PFKFB3: variants seen among roughly 807,000 people sequenced by gnomAD.
PFKFB3 encodes the protein 6-phosphofructo-2-kinase/fructose-2,6-biphosphatase 3, also known as 6-phosphofructo-2-kinase/fructose-2,6-bisphosphatase 3.
In PFKFB3, 33 loss-of-function variants were observed where a neutral mutation model predicts 68.0. That is an observed-to-expected ratio of 0.49 (90% CI 0.37 to 0.65). The LOEUF (loss-of-function observed/expected upper bound fraction) is 0.65, where lower values mean the gene tolerates loss of function less well. Among genes scored for constraint, PFKFB3 ranks in the 30% least tolerant of loss-of-function variants. The pLI is 0.00. For missense variants in PFKFB3, 586 were observed against 712.2 expected (o/e 0.82, Z 2.02); for synonymous variants, 315 against 288.2 (o/e 1.09, Z -0.94).
intron 1 of PFKFB3, among the ~76,000 whole-genome samples, chr10:6,172,643 G>A (rs1308800465): frequency 1.3e-5 from 2 of 152,020 alleles, no homozygotes; most frequent in East Asian, 1.9e-4. Context: ...GCAACATGAT[G>A]AGACCCCATC....
intron 1 of PFKFB3, among the ~76,000 whole-genome samples, chr10:6,185,639 C>CTTTTTTTT (rs59230234): frequency 8.3e-6 from 1 of 120,544 alleles, no homozygotes; most frequent in African/African-American, 3.2e-5. Context: ...CTCCCCGCTC[C>CTTTTTTTT]TTTTTTTTTT....
intron 1 of PFKFB3, among the ~76,000 whole-genome samples, chr10:6,157,013 T>G (rs1050434965): frequency 1.3e-5 from 2 of 150,520 alleles, no homozygotes; most frequent in African/African-American, 4.9e-5. Flanking sequence ...AATCGCTTGA[T>G]CCTAAGAAGT....
At chr10:6,282,521 T>C in the PFKFB3 span, among the ~76,000 whole-genome samples, 1 of 152,164 alleles carries the variant, frequency 6.6e-6, no homozygotes, top group African/African-American at 2.4e-5. Flanking sequence ...TAGCAGCAGA[T>C]GTAGTGAGGC....
chr10:6,215,739 A>C lies in PFKFB3; in HGVS notation c.300-386A>C, dbSNP rs1039455020. ...CTTGTTAAGTGCGAGTTGATTGTGA[A>C]ACCCTAGTGCAAGGGTGTTCAGCCC... is the stretch of plus-strand genomic sequence containing the variant. On this transcript the variant is annotated intron_variant, in intron 3 of 14. Coordinates refer to ENST00000379775, the MANE Select transcript of PFKFB3 (RefSeq NM_004566.4). The surrounding 1 kb of genome is among the most constrained non-coding windows in gnomAD (Gnocchi z 4.3). Among the ~76,000 whole-genome samples, 2 of 152,166 alleles carry C rather than the reference A, an allele frequency of 1.3e-5. No homozygotes were observed. Among genetic ancestry groups the C allele is most frequent in the African/African-American group, 4.8e-5 (2 of 41,430 alleles).
At chr10:6,313,766 A>G in the PFKFB3 span, among the ~76,000 whole-genome samples, 1 of 152,180 alleles carries the variant, frequency 6.6e-6, no homozygotes, top group Admixed American at 6.5e-5. This position sits in a 1 kb window ranked among gnomAD's most constrained non-coding sequence, Gnocchi z 4.2. Context: ...TGGGTGCTAA[A>G]TCATCACTCT....
the PFKFB3 span, among the ~76,000 whole-genome samples, chr10:6,294,975 G>T: frequency 1.5e-3 from 207 of 136,598 alleles, 1 homozygote; most frequent in East Asian, 6.8e-3. Flanking sequence ...TTTTTTTTTT[G>T]TTTTTTTTTT....
chr10:6,273,167 C>T, the PFKFB3 span, among the ~76,000 whole-genome samples: 35 of 152,016 alleles, frequency 2.3e-4, no homozygotes, highest in Admixed American at 2.0e-4. Flanking sequence ...CCACCACGTG[C>T]GGCTAATTTT....
At chr10:6,237,358 G>A (rs1045468976), downstream of PFKFB3, among the ~76,000 whole-genome samples, 2 of 152,268 alleles carry the variant, frequency 1.3e-5, no homozygotes, top group African/African-American at 2.4e-5. Flanking sequence ...TGGATAACCA[G>A]TGCTGGGGAG....
At chr10:6,223,874 C>T (rs1382948070) in intron 11 of PFKFB3, 84 bp from the exon 12 acceptor site, 5 of 1,249,572 alleles carry the variant, frequency 4.0e-6, no homozygotes, top group Non-Finnish European at 5.9e-6. Context: ...GCCTCGGCCT[C>T]CCAAAGTGCT....
At chr10:6,292,003 G>A in the PFKFB3 span, among the ~76,000 whole-genome samples, 1 of 142,658 alleles carries the variant, frequency 7.0e-6, no homozygotes, top group African/African-American at 2.7e-5. Flanking sequence ...GCTTAGGCTG[G>A]CATACAGTGG....
rs1203508342 is a variant in PFKFB3, at chr10:6,154,508, A to C, written c.16+9495A>C. Among the ~76,000 whole-genome samples, 1 of 152,114 alleles carries C rather than the reference A, an allele frequency of 6.6e-6. No homozygotes were observed. Among genetic ancestry groups the C allele is most frequent in the Non-Finnish European group, 1.5e-5 (1 of 68,026 alleles). ...AGTGATTTGCCCGCCTCGGCCTTCC[A>C]AAGTGCTGGGATCATAGGCGCGAGC... On this transcript the variant is annotated intron_variant, in intron 1 of 14. Coordinates refer to the PFKFB3 transcript ENST00000379789. This position sits in a 1 kb window ranked among gnomAD's most constrained non-coding sequence, Gnocchi z 4.6.
At chr10:6,178,662 A>G (rs1011006743) in intron 1 of PFKFB3, among the ~76,000 whole-genome samples, 3 of 151,990 alleles carry the variant, frequency 2.0e-5, no homozygotes, top group Non-Finnish European at 4.4e-5. Context: ...GCTGGGCGTT[A>G]TTTTCCCCGG....
At chr10:6,238,739 G>T (rs1846079671), downstream of PFKFB3, among the ~76,000 whole-genome samples, 1 of 151,916 alleles carries the variant, frequency 6.6e-6, no homozygotes, top group South Asian at 2.1e-4. Flanking sequence ...CCTCTGATAG[G>T]CCCCAGTGTG....
downstream of PFKFB3, among the ~76,000 whole-genome samples, chr10:6,258,495 A>G (rs1354611800): frequency 2.6e-5 from 4 of 152,336 alleles, no homozygotes; most frequent in African/African-American, 9.6e-5. Flanking sequence ...CCACTTGGTG[A>G]ATTTAGGGAT....
At chr10:6,179,464 A>AG (rs1842641716) in intron 1 of PFKFB3, among the ~76,000 whole-genome samples, 1 of 152,230 alleles carries the variant, frequency 6.6e-6, no homozygotes, top group Non-Finnish European at 1.5e-5. Context: ...CCCAGCTGCA[A>AG]GGGGCAGGAA....
intron 1 of PFKFB3, among the ~76,000 whole-genome samples, chr10:6,212,007 G>T (rs1756140573): frequency 6.6e-6 from 1 of 152,228 alleles, no homozygotes; most frequent in African/African-American, 2.4e-5. Flanking sequence ...CCGTCTGAGG[G>T]GTGGTGGCTC....
intron 1 of PFKFB3, among the ~76,000 whole-genome samples, chr10:6,208,226 T>A (rs1843920807): frequency 6.6e-6 from 1 of 152,110 alleles, no homozygotes; most frequent in Non-Finnish European, 1.5e-5. Context: ...CATGTGCTAC[T>A]GCGCCCAGCT....
Position 6,221,702 on chromosome 10 carries a change from T to C in PFKFB3, c.1040T>C (p.Leu347Pro). The C allele has an allele frequency of 6.2e-7, 1 of 1,609,730 alleles. No individual in the cohort carries two copies. The highest frequency in any genetic ancestry group is 8.5e-7 in the Non-Finnish European group (1 of 1,178,616). ...IRDTYPEEYA[L>P]REQDKYYYRY... ...GACACCTACCCTGAGGAGTATGCGC[T>C]GCGGGAGCAGGACAAGTACTATTAC... is the stretch of plus-strand genomic sequence containing the variant. Residue 347 changes from leucine to proline, a missense_variant, in exon 10 of 15, where the codon CTG (leucine) becomes CCG (proline). By Grantham distance (98) the Leu-to-Pro change is moderately conservative. Coordinates refer to ENST00000379775, the MANE Select transcript of PFKFB3 (RefSeq NM_004566.4).
chr10:6,278,179 G>C, the PFKFB3 span, among the ~76,000 whole-genome samples: 2 of 152,182 alleles, frequency 1.3e-5, no homozygotes, highest in Non-Finnish European at 2.9e-5. Flanking sequence ...GCCTCCCAAA[G>C]TGCTGGGATT....
Sources: gnomAD v4.1 joint callset for allele counts (sites outside exome capture counted in the v4.1 genomes callset) on GRCh38, gnomAD v4.1.1 for gene constraint, Gnocchi (gnomAD v3.1) non-coding constraint, MANE v1.5 for transcripts, NCBI Gene and HGNC (gene_info 2026-07-23, HGNC 2026-07-21) for gene names.